Variants in UIMC1 observed in about 807,000 individuals in gnomAD.
UIMC1 encodes BRCA1-A complex subunit RAP80.
UIMC1 carries 42 observed loss-of-function variants against 84.9 expected under a neutral mutation model. The observed-to-expected ratio is 0.49, with a 90% confidence interval of 0.39 to 0.64. The LOEUF (loss-of-function observed/expected upper bound fraction) is 0.64. UIMC1 is among the 30% of genes least tolerant of loss of function. UIMC1 has a pLI of 0.00. For missense variants in UIMC1, 825 were observed against 847.6 expected, an observed-to-expected ratio of 0.97 and a Z score of 0.33; for synonymous variants, 281 against 293.0, an observed-to-expected ratio of 0.96 and a Z score of 0.42.
At chr5:176,915,241 C>CTTTTTTTT (rs34866468) in intron 10 of UIMC1, among the ~76,000 whole-genome samples, 3 of 139,252 alleles carry the variant, frequency 2.2e-5, no homozygotes, top group Non-Finnish European at 4.6e-5. Context: ...TATTTTGTTT[C>CTTTTTTTT]TTTTTTTTTT....
intron 10 of UIMC1, among the ~76,000 whole-genome samples, chr5:176,924,846 C>CT (rs1298170391): frequency 1.3e-5 from 2 of 151,930 alleles, no homozygotes; most frequent in African/African-American, 2.4e-5. Flanking sequence ...CAAGACCATC[C>CT]TGGCCAACAT....
At chr5:176,961,976 G>A (rs1156303765) in intron 6 of UIMC1, among the ~76,000 whole-genome samples, 43 of 66,774 alleles carry the variant, frequency 6.4e-4, no homozygotes, top group African/African-American at 2.7e-3. Flanking sequence ...CAGCCGCCCC[G>A]TCCGGGAGGG....
chr5:177,012,223 C>T (rs1775565869), intron 1 of UIMC1, among the ~76,000 whole-genome samples: 1 of 152,140 alleles, frequency 6.6e-6, no homozygotes, highest in Admixed American at 6.6e-5. Flanking sequence ...AAAGTTAAAA[C>T]CCAGAACATT....
intron 10 of UIMC1, among the ~76,000 whole-genome samples, chr5:176,942,325 G>C (rs943474738): frequency 6.6e-6 from 1 of 152,162 alleles, no homozygotes; most frequent in African/African-American, 2.4e-5. Context: ...GAAAAACGTG[G>C]AACTTAGTTC....
At chr5:176,932,689 A>G in intron 10 of UIMC1, among the ~76,000 whole-genome samples, 1 of 152,152 alleles carries the variant, frequency 6.6e-6, no homozygotes, top group Non-Finnish European at 1.5e-5. Context: ...TTACTTTTCT[A>G]TTCAGTGGAA....
chr5:176,955,886 C>G, intron 8 of UIMC1, 73 bp downstream of exon 8: 1 of 1,445,842 alleles, frequency 6.9e-7, no homozygotes, highest in Non-Finnish European at 9.7e-7. Flanking sequence ...TTTGAAGAGT[C>G]AGAGGAAAAT....
At chr5:176,978,128 T>C (rs547576827) in intron 2 of UIMC1, among the ~76,000 whole-genome samples, 51 of 152,032 alleles carry the variant, frequency 3.4e-4, no homozygotes, top group African/African-American at 1.2e-3. Context: ...TCCCAGCACT[T>C]TGGGAGGCCG....
At position 177,006,710 on chromosome 5, in the gene UIMC1, A is replaced by C. The variant is rs906485872; in HGVS notation, c.-69T>G. ...GTTGCCGGGGGTCGCGAGCCGCCAC[A>C]CGTTGGGAGCGCGGGGGGAGGGGGA... is the stretch of plus-strand genomic sequence containing the variant. On this transcript the variant is annotated 5_prime_UTR_variant, in exon 1 of 15. Transcript: ENST00000511320. 1 of 151,270 alleles carries C rather than the reference A, an allele frequency of 6.6e-6. No homozygotes were observed. Among genetic ancestry groups the C allele is most frequent in the Non-Finnish European group, 1.5e-5 (1 of 67,692 alleles). 9.4% of individuals were successfully genotyped at this position (151,270 alleles called of 1,614,324 possible).
chr5:176,953,567 A>G (rs989208411), intron 8 of UIMC1, among the ~76,000 whole-genome samples: 1 of 150,590 alleles, frequency 6.6e-6, no homozygotes, highest in Non-Finnish European at 1.5e-5. Context: ...ATAAACTTCA[A>G]AATCCTGTCA....
At chr5:177,009,908 G>A (rs891583501), upstream of UIMC1, among the ~76,000 whole-genome samples, 2 of 152,138 alleles carry the variant, frequency 1.3e-5, no homozygotes, top group Non-Finnish European at 2.9e-5. The surrounding 1 kb of genome is among the most constrained non-coding windows in gnomAD (Gnocchi z 4.3). Context: ...GGTGGCACGC[G>A]CCAGTAAGTC....
intron 10 of UIMC1, among the ~76,000 whole-genome samples, chr5:176,914,157 AT>A (rs1018289395): frequency 3.0e-4 from 44 of 148,716 alleles, no homozygotes; most frequent in Admixed American, 1.0e-3. Context: ...GTTGCTGGGT[AT>A]TTTTTTTTTC....
intron 14 of UIMC1, chr5:176,905,773 G>A (rs1759278745): frequency 4.8e-6 from 3 of 622,110 alleles, no homozygotes; most frequent in Non-Finnish European, 8.3e-6. Context: ...GGGATAGAGA[G>A]GTACAGAAGA....
At position 176,982,946 on chromosome 5, in the gene UIMC1, G is replaced by A. The variant is rs544228346; in HGVS notation, c.-8-323C>T. ...ACTCCTCACTTCAGGTGATCCACCC[G>A]TGTCAGCCTCCCATAGTGCTGAGAT... On this transcript the variant is annotated intron_variant, in intron 1 of 14. Transcript: ENST00000511320. Among the ~76,000 whole-genome samples the A allele has an allele frequency of 1.4e-4, 21 of 152,192 alleles. No individual in the cohort carries two copies. In the East Asian group the frequency reaches 1.6e-3, roughly 11 times the overall value.
intron 10 of UIMC1, among the ~76,000 whole-genome samples, chr5:176,941,363 A>G (rs1217161141): frequency 2.6e-5 from 4 of 152,352 alleles, no homozygotes; most frequent in Non-Finnish European, 4.4e-5. Context: ...AGAGCTATAT[A>G]TAGCATGGTC....
At position 176,943,430 on chromosome 5, in the gene UIMC1, T is replaced by C. The variant is rs529063071; in HGVS notation, c.1502A>G (p.Asn501Ser). The change falls in exon 10 of 15, where the codon AAC becomes AGC. Residue 501 changes from asparagine (N) to serine (S), a missense_variant. By Grantham distance (46) the Asn-to-Ser change is conservative (BLOSUM62 1). Coordinates refer to ENST00000511320, the MANE Select transcript of UIMC1 (RefSeq NM_001199298.2). Reference sequence around the variant, plus strand: ...GTCACATAGCGGGCAGGATACCTGGTTACTGGATGAGAAGGTAGAAATAGC... The same window carrying C: ...GTCACATAGCGGGCAGGATACCTGGCTACTGGATGAGAAGGTAGAAATAGC... ...EVAISTFSSS[N>S]QVSCPLCDQC... The C allele has an allele frequency of 9.3e-6, 15 of 1,614,180 alleles. No homozygotes were observed. The East Asian group carries it at 3.3e-4, about 36-fold the overall frequency.
chr5:177,010,860 A>T (rs6863649), upstream of UIMC1, among the ~76,000 whole-genome samples: 14,906 of 152,098 alleles, frequency 0.098, 1,529 homozygotes, highest in African/African-American at 0.26. Flanking sequence ...TGGACAAAAG[A>T]AACCTTAATA....
rs537874634 is a variant in UIMC1 at position 176,983,080 on chromosome 5, C to T, written c.-8-457G>A. Among the ~76,000 whole-genome samples the T allele has an allele frequency of 4.5e-4, 68 of 152,286 alleles. 1 individual carries two copies. Among genetic ancestry groups the T allele is most frequent in the Non-Finnish European group, 8.5e-4 (58 of 68,024 alleles). On this transcript the variant is annotated intron_variant, in intron 1 of 14. Coordinates refer to ENST00000511320, the MANE Select transcript of UIMC1 (RefSeq NM_001199298.2). ...AACTCCTGACCTCAGGTCATCTGCC[C>T]GCCTTGGCCTCCCAAAGTGTTGGGG...
chr5:176,979,796 A>T (rs1770737562), intron 2 of UIMC1, among the ~76,000 whole-genome samples: 1 of 152,192 alleles, frequency 6.6e-6, no homozygotes, highest in Admixed American at 6.5e-5. Context: ...TCTCCCGGAA[A>T]TACTATAATG....
At chr5:176,990,913 C>A (rs1000452079) in intron 1 of UIMC1, among the ~76,000 whole-genome samples, 7 of 152,066 alleles carry the variant, frequency 4.6e-5, no homozygotes, top group Non-Finnish European at 8.8e-5. Flanking sequence ...CTCAAACGAT[C>A]CTCCTGCCTT....
Sources: gnomAD v4.1 joint callset for allele counts (sites outside exome capture counted in the v4.1 genomes callset) on GRCh38, gnomAD v4.1.1 for gene constraint, Gnocchi (gnomAD v3.1) non-coding constraint, MANE v1.5 for transcripts, NCBI Gene and HGNC (gene_info 2026-07-23, HGNC 2026-07-21) for gene names.